The following ERBB4 variants were observed in gnomAD, a reference collection of about 807,000 sequenced individuals.
The protein encoded by ERBB4 is receptor tyrosine-protein kinase erbB-4.
Under a neutral mutation model 158.0 loss-of-function variants are expected in ERBB4, and 42 were observed. That is an observed-to-expected ratio of 0.27 (90% CI 0.21 to 0.34). The LOEUF is 0.34. ERBB4 is among the 10% of genes least tolerant of loss of function. The pLI, the probability that ERBB4 is intolerant of heterozygous loss-of-function variation, is 1.00. For synonymous variants in ERBB4, 583 were observed against 558.7 expected, an observed-to-expected ratio of 1.04 and a Z score of -0.61; for missense variants, 1,333 against 1,624.1, an observed-to-expected ratio of 0.82 and a Z score of 3.08.
At chr2:212,077,266 T>G (rs2125458278) in intron 2 of ERBB4, among the ~76,000 whole-genome samples, 1 of 151,982 alleles carries the variant, frequency 6.6e-6, no homozygotes, top group East Asian at 1.9e-4. Context: ...GATGACCCAG[T>G]GATTCAGTTC....
At chr2:211,832,998 G>T (rs948516357) in intron 3 of ERBB4, among the ~76,000 whole-genome samples, 1 of 151,796 alleles carries the variant, frequency 6.6e-6, no homozygotes, top group Non-Finnish European at 1.5e-5. Context: ...TATTTTCTAG[G>T]TTCAGATATT....
chr2:211,956,064 A>G (rs1014236508), intron 2 of ERBB4, among the ~76,000 whole-genome samples: 11 of 134,254 alleles, frequency 8.2e-5, no homozygotes, highest in African/African-American at 2.5e-4. Context: ...GTGTGTGTGT[A>G]TTTGTTTTCT....
At chr2:211,754,329 G>A (rs185857711) in intron 4 of ERBB4, among the ~76,000 whole-genome samples, 18 of 152,150 alleles carry the variant, frequency 1.2e-4, no homozygotes, top group African/African-American at 4.3e-4. Context: ...TAGGGGTTTT[G>A]CCAATGCTGT....
At chr2:211,944,221 CACACAA>C (rs1559155510) in intron 3 of ERBB4, among the ~76,000 whole-genome samples, 1 of 39,752 alleles carries the variant, frequency 2.5e-5, no homozygotes, top group East Asian at 1.2e-3. Flanking sequence ...TATACACACA[CACACAA>C]AAAAAAAGAA....
intron 9 of ERBB4, among the ~76,000 whole-genome samples, chr2:211,709,264 T>TACAC (rs2073588319): frequency 5.7e-5 from 8 of 141,502 alleles, no homozygotes; most frequent in African/African-American, 2.0e-4. Context: ...CATATATATA[T>TACAC]ATATATATAT....
At chr2:211,694,561 C>CTTTT (rs58556416) in intron 12 of ERBB4, among the ~76,000 whole-genome samples, 3 of 148,380 alleles carry the variant, frequency 2.0e-5, no homozygotes, top group African/African-American at 7.4e-5. Context: ...TACTTGAATG[C>CTTTT]TTTTTTTTTT....
At chr2:211,998,124 G>T (rs747589516) in intron 2 of ERBB4, among the ~76,000 whole-genome samples, 1 of 151,802 alleles carries the variant, frequency 6.6e-6, no homozygotes, top group African/African-American at 2.4e-5. Flanking sequence ...CATGGCACAT[G>T]TATACATATG....
chr2:211,802,350 T>C (rs909715087), intron 3 of ERBB4, among the ~76,000 whole-genome samples: 4 of 152,058 alleles, frequency 2.6e-5, no homozygotes, highest in Admixed American at 6.5e-5. Context: ...AATTTCACCA[T>C]TGTCACATAC....
chr2:211,573,940 T>A (rs1277106031), intron 19 of ERBB4, among the ~76,000 whole-genome samples: 1 of 152,178 alleles, frequency 6.6e-6, no homozygotes, highest in African/African-American at 2.4e-5. Flanking sequence ...GCTATAGTAG[T>A]CTAATCTAAA....
Position 212,133,411 on chromosome 2 carries a change from TGTTTTG to T in ERBB4, c.83-8514_83-8509del, listed in dbSNP as rs1559561136. Among the ~76,000 whole-genome samples, 376 of 145,340 alleles carry T rather than the reference TGTTTTG, an allele frequency of 2.6e-3. 6 individuals carry two copies. The highest frequency in any genetic ancestry group is 9.6e-3 in the African/African-American group (357 of 37,276). On this transcript the variant is annotated intron_variant, in intron 1 of 27. Coordinates refer to ENST00000342788, the MANE Select transcript of ERBB4 (RefSeq NM_005235.3). The stretch of plus-strand genomic sequence containing the variant: ...TCATTTTGGTGTTTTTTTTTTGTTT[TGTTTTG>T]TTTTTGTTTTTTTTTTTGCTATGTG...
intron 2 of ERBB4, among the ~76,000 whole-genome samples, chr2:212,019,605 T>G (rs940672204): frequency 6.6e-6 from 1 of 151,492 alleles, no homozygotes; most frequent in South Asian, 2.1e-4. Flanking sequence ...TCTACTAAAA[T>G]ACAAAAATTC....
chr2:212,316,959 G>A (rs2087313310), intron 1 of ERBB4, among the ~76,000 whole-genome samples: 1 of 151,340 alleles, frequency 6.6e-6, no homozygotes, highest in South Asian at 2.1e-4. Context: ...GCTATTCTGA[G>A]GTGATTATAT....
intron 1 of ERBB4, among the ~76,000 whole-genome samples, chr2:212,471,118 T>C (rs1198588791): frequency 6.6e-6 from 1 of 152,042 alleles, no homozygotes; most frequent in Non-Finnish European, 1.5e-5. Context: ...ACCCAATGTT[T>C]TGGCTAGAGA....
intron 3 of ERBB4, among the ~76,000 whole-genome samples, chr2:211,910,839 T>G (rs187518963): frequency 6.6e-6 from 1 of 152,326 alleles, no homozygotes; most frequent in East Asian, 1.9e-4. Flanking sequence ...AAAATTATTT[T>G]ATAAGGGAAC....
intron 19 of ERBB4, among the ~76,000 whole-genome samples, chr2:211,612,254 A>G (rs2125834327): frequency 6.6e-6 from 1 of 152,162 alleles, no homozygotes; most frequent in South Asian, 2.1e-4. Context: ...ATCAATTCAG[A>G]CAATTAACCA....
intron 3 of ERBB4, among the ~76,000 whole-genome samples, chr2:211,815,660 T>C (rs1019554884): frequency 6.6e-5 from 10 of 152,156 alleles, no homozygotes; most frequent in African/African-American, 1.2e-4. Context: ...CTAGACCAGA[T>C]TGAGGGATGC....
chr2:211,846,101 G>GA lies in ERBB4; in HGVS notation c.422-57943dup, dbSNP rs549195959. Among the ~76,000 whole-genome samples, 985 of 145,068 alleles carry GA rather than the reference G, an allele frequency of 6.8e-3. 5 individuals are homozygous for GA. Among genetic ancestry groups the GA allele is most frequent in the African/African-American group, 0.024 (943 of 39,850 alleles). On this transcript the variant is annotated intron_variant, in intron 3 of 27. Coordinates refer to ENST00000342788, the MANE Select transcript of ERBB4 (RefSeq NM_005235.3). The stretch of plus-strand genomic sequence containing the variant: ...ATATCATTCATGTTGTCCACTCTAG[G>GA]AAAAAAAAATCATCCCTAGGGCATT...
In ERBB4 at chr2:211,899,504, G is replaced by A. The variant is rs554163612; in HGVS notation, c.421+47926C>T. ...ACTGTTACCCCTAAACAGAAATTAC[G>A]AAACCAATCACAAAGTAATTTATTA... On this transcript the variant is annotated intron_variant, in intron 3 of 27. Coordinates refer to ENST00000342788, the MANE Select transcript of ERBB4 (RefSeq NM_005235.3). Among the ~76,000 whole-genome samples the A allele has an allele frequency of 1.0e-3, 155 of 152,048 alleles. 1 individual carries two copies. Among genetic ancestry groups the A allele is most frequent in the African/African-American group, 3.4e-3 (141 of 41,496 alleles).
At chr2:212,378,306 A>G (rs927990286) in intron 1 of ERBB4, among the ~76,000 whole-genome samples, 2 of 151,902 alleles carry the variant, frequency 1.3e-5, no homozygotes, top group Non-Finnish European at 2.9e-5. Context: ...GAACTTCAAA[A>G]GTCTCAATAG....
Sources: allele counts gnomAD v4.1 joint callset (sites outside exome capture counted in the v4.1 genomes callset), GRCh38; gene constraint gnomAD v4.1.1; transcripts MANE v1.5; gene names NCBI Gene and HGNC (gene_info 2026-07-23, HGNC 2026-07-21).